RAPGEF2: variants seen among roughly 807,000 people sequenced by gnomAD.
RAPGEF2 encodes PDZ domain containing guanine nucleotide exchange factor (GEF) 1.
In RAPGEF2, 54 loss-of-function variants were observed where a neutral mutation model predicts 186.7. The ratio of observed to expected loss-of-function variants is 0.29; its 90% CI spans 0.23 to 0.36. The LOEUF (loss-of-function observed/expected upper bound fraction) is 0.36, where lower values mean the gene tolerates loss of function less well. Among genes scored for constraint, RAPGEF2 ranks in the 10% least tolerant of loss-of-function variants. RAPGEF2 has a pLI of 1.00. For synonymous variants in RAPGEF2, 712 were observed against 705.9 expected, an observed-to-expected ratio of 1.01 and a Z score of -0.14; for missense variants, 1,532 against 2,045.0, an observed-to-expected ratio of 0.75 and a Z score of 4.84.
In RAPGEF2 at chr4:159,283,431, G is replaced by C. The variant is rs149389388; in HGVS notation, c.544-20911G>C. 2.3e-3 allele frequency among the ~76,000 whole-genome samples: 356 copies of C among 152,246 alleles called. 2 individuals carry two copies. The highest frequency in any genetic ancestry group is 8.3e-3 in the African/African-American group (344 of 41,550). ...TATCTGCATGGTGTGAAGCATCCAG[G>C]ATTTAAAGCATGGTTTTTAGTTTTC... On this transcript the variant is annotated intron_variant, in intron 7 of 29. Coordinates refer to ENST00000691494, the MANE Select transcript of RAPGEF2 (RefSeq NM_001394067.2).
At chr4:159,184,112 G>A (rs983520830) in intron 1 of RAPGEF2, among the ~76,000 whole-genome samples, 1 of 152,156 alleles carries the variant, frequency 6.6e-6, no homozygotes, top group African/African-American at 2.4e-5. Flanking sequence ...TGGTGTGTAT[G>A]TGCCACATTT....
intron 1 of RAPGEF2, among the ~76,000 whole-genome samples, chr4:159,176,933 C>T (rs528678375): frequency 6.6e-6 from 1 of 152,098 alleles, no homozygotes; most frequent in Admixed American, 6.5e-5. Flanking sequence ...AAAATACTTA[C>T]AGTTTGTTGT....
chr4:159,343,267 T>C lies in RAPGEF2; in HGVS notation c.3131-14T>C. The C allele has an allele frequency of 3.7e-6, 6 of 1,614,086 alleles. No homozygotes were observed. The highest frequency in any genetic ancestry group is 5.1e-6 in the Non-Finnish European group (6 of 1,179,938). On this transcript the variant is annotated splice_polypyrimidine_tract_variant and intron_variant, in intron 21 of 29. Transcript: ENST00000691494. ...ATGCCATGTGATTTCCTTTTCCTCC[T>C]CTGTCAATTTCAGGAAATGACTCAA...
chr4:159,314,800 C>A (rs746768193), intron 9 of RAPGEF2, 32 bp downstream of exon 9: 2 of 1,541,602 alleles, frequency 1.3e-6, no homozygotes, highest in Admixed American at 4.2e-5. Flanking sequence ...AATCTACGAG[C>A]AATTAAAAAG....
intron 1 of RAPGEF2, among the ~76,000 whole-genome samples, chr4:159,124,192 T>C (rs915865668): frequency 2.6e-5 from 4 of 151,684 alleles, no homozygotes; most frequent in African/African-American, 9.7e-5. Context: ...TTTTTCTTTC[T>C]CAATTGTCTG....
chr4:159,270,783 C>T (rs767594943), intron 7 of RAPGEF2, among the ~76,000 whole-genome samples: 1 of 152,090 alleles, frequency 6.6e-6, no homozygotes, highest in African/African-American at 2.4e-5. Flanking sequence ...TTTTATTACA[C>T]CTCCCCCTAT....
chr4:159,247,379 G>A (rs2111496265), intron 7 of RAPGEF2, among the ~76,000 whole-genome samples: 1 of 152,196 alleles, frequency 6.6e-6, no homozygotes, highest in Admixed American at 6.5e-5. Flanking sequence ...GTCGGGGATG[G>A]TTTCATGAAC....
chr4:159,248,015 G>C (rs1264276062), intron 7 of RAPGEF2, among the ~76,000 whole-genome samples: 1 of 151,994 alleles, frequency 6.6e-6, no homozygotes, highest in African/African-American at 2.4e-5. Flanking sequence ...ACCCGCCTTG[G>C]CCTCCTAAAG....
intron 1 of RAPGEF2, among the ~76,000 whole-genome samples, chr4:159,169,604 G>C (rs755674316): frequency 6.8e-6 from 1 of 147,026 alleles, no homozygotes; most frequent in Non-Finnish European, 1.5e-5. Context: ...CCAGCCCCTT[G>C]TGACCACTGT....
chr4:159,270,885 T>C (rs1329888886), intron 7 of RAPGEF2, among the ~76,000 whole-genome samples: 4 of 152,216 alleles, frequency 2.6e-5, no homozygotes, highest in Non-Finnish European at 5.9e-5. Flanking sequence ...TTTATAGTCA[T>C]GTGGTGCTTT....
Position 159,353,129 on chromosome 4 carries a change from G to A in RAPGEF2, c.4091+219G>A, listed in dbSNP as rs1008535262. 5.3e-5 allele frequency among the ~76,000 whole-genome samples: 8 copies of A among 152,162 alleles called. No homozygotes were observed. The highest frequency in any genetic ancestry group is 2.6e-4 in the Admixed American group (4 of 15,276). ...TAAGTTTATTCTTCATTGGAACACA[G>A]TTGTTCTGTGCTGAAGGCAGAGGGT... On this transcript the variant is annotated intron_variant, in intron 27 of 29. Coordinates refer to ENST00000691494, the MANE Select transcript of RAPGEF2 (RefSeq NM_001394067.2). This position sits in a 1 kb window ranked among gnomAD's most constrained non-coding sequence, Gnocchi z 4.3.
intron 1 of RAPGEF2, 71 bp from the exon 2 acceptor site, chr4:159,186,571 A>T: frequency 1.4e-6 from 1 of 717,348 alleles, no homozygotes; most frequent in Non-Finnish European, 2.2e-6. Flanking sequence ...GTTTGTAGAT[A>T]CAGTGTGACT....
Position 159,343,187 on chromosome 4 carries a change from G to C in RAPGEF2, c.3127G>C (p.Glu1043Gln). The change falls in exon 21 of 30, where the codon GAA (glutamate) becomes CAA (glutamine). Residue 1043 changes from glutamate (E) to glutamine (Q), a missense_variant. By Grantham distance (29) the Glu-to-Gln change is conservative. This residue lies in a region of RAPGEF2 where 117 missense variants were observed against 180.8 expected (regional missense o/e 0.65). Coordinates refer to ENST00000691494, the MANE Select transcript of RAPGEF2 (RefSeq NM_001394067.2). The stretch of plus-strand genomic sequence containing the variant: ...CAAAAAGGATCTCACCTTCCTTCAC[G>C]AAGGTAAACATAAGGCAGAGGGTTT... The part of the protein sequence containing the change: ...VIKKDLTFLH[E>Q]GNDSKVDGLV... 6.2e-7 allele frequency: 1 copy of C among 1,613,980 alleles called. No homozygotes were observed. The highest frequency in any genetic ancestry group is 8.5e-7 in the Non-Finnish European group (1 of 1,179,894).
chr4:159,256,514 TGTGA>T (rs1305710731), intron 7 of RAPGEF2, among the ~76,000 whole-genome samples: 3 of 152,216 alleles, frequency 2.0e-5, no homozygotes, highest in African/African-American at 7.2e-5. Flanking sequence ...AACATATGTG[TGTGA>T]GTATCTTTGT....
intron 7 of RAPGEF2, among the ~76,000 whole-genome samples, chr4:159,273,638 CT>C (rs1561188425): frequency 1.4e-3 from 93 of 67,168 alleles, no homozygotes; most frequent in African/African-American, 4.6e-3. Flanking sequence ...TTCTTTCTTT[CT>C]TTCTTTCTTT....
At chr4:159,179,266 T>C (rs185907722) in intron 1 of RAPGEF2, among the ~76,000 whole-genome samples, 29 of 152,298 alleles carry the variant, frequency 1.9e-4, no homozygotes, top group African/African-American at 6.3e-4. Context: ...TCTTGGGAAG[T>C]GCAGTTGGGA....
intron 1 of RAPGEF2, among the ~76,000 whole-genome samples, chr4:159,143,423 G>A (rs1240328705): frequency 6.6e-6 from 1 of 152,088 alleles, no homozygotes; most frequent in Non-Finnish European, 1.5e-5. Context: ...AAAGTGAGAA[G>A]CACATAAAAA....
At chr4:159,179,378 G>T (rs965462497) in intron 1 of RAPGEF2, among the ~76,000 whole-genome samples, 3 of 152,068 alleles carry the variant, frequency 2.0e-5, no homozygotes, top group African/African-American at 7.2e-5. Flanking sequence ...TTCTATAGTT[G>T]TTGGTTGAAA....
rs1344643614 is a variant in RAPGEF2 at position 159,234,641 on chromosome 4, C to T, written c.282-4168C>T. Among the ~76,000 whole-genome samples, 5 of 149,084 alleles carry T rather than the reference C, an allele frequency of 3.4e-5. No homozygotes were observed. In the East Asian group the frequency reaches 9.9e-4, roughly 29 times the overall value. On this transcript the variant is annotated intron_variant, in intron 4 of 29. Transcript: ENST00000691494. ...TGTGATCTCGGCTCACTGCAAGCTCCACCTCCCAGGTTCATGCCGTTTATT... is the reference window on the plus strand; with the variant it reads ...TGTGATCTCGGCTCACTGCAAGCTCTACCTCCCAGGTTCATGCCGTTTATT...
Sources: gnomAD v4.1 joint callset for allele counts (sites outside exome capture counted in the v4.1 genomes callset) on GRCh38, gnomAD v4.1.1 for gene constraint, gnomAD v4.1.1 regional missense constraint, Gnocchi (gnomAD v3.1) non-coding constraint, MANE v1.5 for transcripts, NCBI Gene and HGNC (gene_info 2026-07-23, HGNC 2026-07-21) for gene names.